ACOT7: variants seen among roughly 807,000 people sequenced by gnomAD.
ACOT7 encodes the protein acyl-CoA thioesterase 7, also known as cytosolic acyl coenzyme A thioester hydrolase.
In ACOT7, 12 loss-of-function variants were observed where a neutral mutation model predicts 40.2. That is an observed-to-expected ratio of 0.30 (90% CI 0.19 to 0.48). The LOEUF (loss-of-function observed/expected upper bound fraction) is 0.48. ACOT7 is among the 20% of genes least tolerant of loss of function. ACOT7 has a pLI of 0.99. For missense variants in ACOT7, 395 were observed against 530.8 expected (o/e 0.74, Z 2.51); for synonymous variants, 228 against 219.5 (o/e 1.04, Z -0.34).
chr1:6,385,688 G>A (rs1642426493), intron 1 of ACOT7: 1 of 1,606,694 alleles, frequency 6.2e-7, no homozygotes, highest in Non-Finnish European at 8.5e-7. Context: ...TGGGCAAACT[G>A]TTTACCCAGT....
In ACOT7 at chr1:6,349,678, G is replaced by A. The variant is rs573734594; in HGVS notation, c.261+71C>T. The A allele has an allele frequency of 1.6e-4, 232 of 1,454,478 alleles. No homozygotes were observed. In the South Asian group the frequency reaches 1.7e-3, roughly 10 times the overall value. 90.1% of individuals were successfully genotyped at this position (1,454,478 alleles called of 1,614,324 possible). A position where few individuals can be genotyped will look rare whatever the true frequency, so the allele number is the denominator to read the frequency against. ...GGGAAGGCTGCAGGCCTGGCTCCCC[G>A]GGGAACTCCTGTCCTGAACTCACAC... On this transcript the variant is annotated intron_variant, in intron 2 of 8. Coordinates refer to ENST00000361521, the MANE Select transcript of ACOT7 (RefSeq NM_007274.4).
At position 6,299,450 on chromosome 1, in the gene ACOT7, T is replaced by C. The variant is rs1247518225; in HGVS notation, c.713-4470A>G. Among the ~76,000 whole-genome samples, 1 of 151,950 alleles carries C rather than the reference T, an allele frequency of 6.6e-6. No individual in the cohort carries two copies. Among genetic ancestry groups the C allele is most frequent in the African/African-American group, 2.4e-5 (1 of 41,330 alleles). On this transcript the variant is annotated intron_variant, in intron 6 of 8. Coordinates refer to ENST00000361521, the MANE Select transcript of ACOT7 (RefSeq NM_007274.4). This position sits in a 1 kb window ranked among gnomAD's most constrained non-coding sequence, Gnocchi z 4.1. ...TTGGCTCAGGTGGGCAAAGGAGGGATCCAGAGGACAGTTGGCCTCCCCTTA... is the reference window on the plus strand; with the variant it reads ...TTGGCTCAGGTGGGCAAAGGAGGGACCCAGAGGACAGTTGGCCTCCCCTTA...
rs1037353163 is a variant in ACOT7 at position 6,278,888 on chromosome 1, G to A, written c.1014+2214C>T. Among the ~76,000 whole-genome samples the A allele has an allele frequency of 6.6e-6, 1 of 152,214 alleles. No homozygotes were observed. Among genetic ancestry groups the A allele is most frequent in the African/African-American group, 2.4e-5 (1 of 41,438 alleles). On this transcript the variant is annotated intron_variant, in intron 8 of 8. Transcript: ENST00000361521. The surrounding 1 kb of genome is among the most constrained non-coding windows in gnomAD (Gnocchi z 4.1). ...GACAGCAGACAGGGCGTGTCCTTGC[G>A]TCTGTCCATGCTGCCCGCAGAGGGA... is the stretch of plus-strand genomic sequence containing the variant.
intron 8 of ACOT7, among the ~76,000 whole-genome samples, chr1:6,268,786 C>T (rs920939547): frequency 4.6e-4 from 70 of 152,354 alleles, no homozygotes; most frequent in African/African-American, 1.6e-3. Context: ...GGAGCGGAGC[C>T]CTCGAGTCCC....
chr1:6,307,178 C>T (rs1202035630), intron 6 of ACOT7, among the ~76,000 whole-genome samples: 1 of 152,236 alleles, frequency 6.6e-6, no homozygotes, highest in Non-Finnish European at 1.5e-5. Context: ...TGGAGCACGG[C>T]GGGGCTCGGC....
intron 6 of ACOT7, 176 bp from the exon 7 acceptor site, chr1:6,295,156 G>T (rs1639778427): frequency 7.6e-6 from 4 of 523,204 alleles, no homozygotes; most frequent in East Asian, 6.4e-5. Flanking sequence ...GCTACATGGG[G>T]CTTCCTCAGG....
intron 8 of ACOT7, among the ~76,000 whole-genome samples, chr1:6,268,876 G>A (rs1557623077): frequency 6.6e-6 from 1 of 152,222 alleles, no homozygotes; most frequent in Non-Finnish European, 1.5e-5. Context: ...TACCAGAGAT[G>A]TGACCACAGC....
intron 7 of ACOT7, among the ~76,000 whole-genome samples, chr1:6,286,413 A>G (rs1639504569): frequency 6.6e-6 from 1 of 152,166 alleles, no homozygotes; most frequent in Non-Finnish European, 1.5e-5. Context: ...TATTCATGAC[A>G]AAGTGTCTCA....
rs544100018 is a variant in ACOT7 at position 6,355,231 on chromosome 1, G to A, written c.144-5365C>T. Among the ~76,000 whole-genome samples the A allele has an allele frequency of 6.4e-4, 98 of 152,148 alleles. No homozygotes were observed. In the East Asian group the frequency reaches 0.012, roughly 19 times the overall value. ...GAATACCCACTCACAGAGGGCACCC[G>A]GCACCACCCACCCAAACCCCAGATG... On this transcript the variant is annotated intron_variant, in intron 1 of 8. Transcript: ENST00000361521. The surrounding 1 kb of genome is among the most constrained non-coding windows in gnomAD (Gnocchi z 5.0).
chr1:6,368,766 C>T (rs938946946), intron 1 of ACOT7, among the ~76,000 whole-genome samples: 1 of 152,188 alleles, frequency 6.6e-6, no homozygotes, highest in Non-Finnish European at 1.5e-5. Flanking sequence ...GGGGGCGGTG[C>T]AGTCAGCTGC....
At chr1:6,374,501 G>A (rs559616961) in intron 1 of ACOT7, among the ~76,000 whole-genome samples, 7 of 152,358 alleles carry the variant, frequency 4.6e-5, no homozygotes, top group South Asian at 2.1e-4. Context: ...GCTCCACAGC[G>A]TGGGGGCCAA....
chr1:6,305,321 G>A (rs1239231161), intron 6 of ACOT7, among the ~76,000 whole-genome samples: 3 of 130,226 alleles, frequency 2.3e-5, no homozygotes, highest in Admixed American at 7.4e-5. Flanking sequence ...CAGTAGGGGC[G>A]GCCGGGCAGA....
intron 8 of ACOT7, 76 bp downstream of exon 8, chr1:6,281,026 C>G: frequency 6.5e-7 from 1 of 1,535,784 alleles, no homozygotes; most frequent in Non-Finnish European, 8.8e-7. Context: ...GCACAGATTC[C>G]CCCTGGAGGC....
At chr1:6,336,618 A>G (rs1641109489) in intron 3 of ACOT7, among the ~76,000 whole-genome samples, 1 of 152,098 alleles carries the variant, frequency 6.6e-6, no homozygotes, top group Non-Finnish European at 1.5e-5. Flanking sequence ...CACACAGCTT[A>G]TGACTCAGCC....
In ACOT7 at chr1:6,359,125, G is replaced by C. The variant is rs1403974458; in HGVS notation, c.144-9259C>G. 1 of 344,556 alleles carries C rather than the reference G, an allele frequency of 2.9e-6. No individual in the cohort carries two copies. Among genetic ancestry groups the C allele is most frequent in the Non-Finnish European group, 5.3e-6 (1 of 187,264 alleles). 21.3% of individuals were successfully genotyped at this position (344,556 alleles called of 1,614,324 possible). Reference sequence around the variant, plus strand: ...TGAGCTCTTCTGGCTGCCATGCCAGGAGATCAGGAAGGCAGAGGGGCCGCT... The same window carrying C: ...TGAGCTCTTCTGGCTGCCATGCCAGCAGATCAGGAAGGCAGAGGGGCCGCT... On this transcript the variant is annotated intron_variant, in intron 1 of 8. Coordinates refer to ENST00000361521, the MANE Select transcript of ACOT7 (RefSeq NM_007274.4). This position sits in a 1 kb window ranked among gnomAD's most constrained non-coding sequence, Gnocchi z 4.1.
intron 8 of ACOT7, among the ~76,000 whole-genome samples, chr1:6,276,422 G>A (rs553108760): frequency 1.6e-4 from 25 of 152,246 alleles, no homozygotes; most frequent in Admixed American, 1.3e-3. Flanking sequence ...CTTCTAATAC[G>A]AGACCGAGAC....
At chr1:6,371,152 G>A (rs1024133029) in intron 1 of ACOT7, among the ~76,000 whole-genome samples, 5 of 152,120 alleles carry the variant, frequency 3.3e-5, no homozygotes, top group Admixed American at 2.6e-4. Flanking sequence ...TGAGCAGTAG[G>A]TCTCAACGGC....
chr1:6,268,569 C>T (rs887822356), intron 8 of ACOT7, among the ~76,000 whole-genome samples: 5 of 152,136 alleles, frequency 3.3e-5, no homozygotes, highest in Non-Finnish European at 4.4e-5. Context: ...TGTGCACAGG[C>T]GCGATTTTCC....
chr1:6,276,075 C>T (rs560549740), intron 8 of ACOT7, among the ~76,000 whole-genome samples: 87 of 152,208 alleles, frequency 5.7e-4, no homozygotes, highest in African/African-American at 1.9e-3. Flanking sequence ...GGGGCCTCAG[C>T]GAGCCCCTCA....
Sources: allele counts gnomAD v4.1 joint callset (sites outside exome capture counted in the v4.1 genomes callset), GRCh38; gene constraint gnomAD v4.1.1; non-coding constraint Gnocchi (gnomAD v3.1); transcripts MANE v1.5; gene names NCBI Gene and HGNC (gene_info 2026-07-23, HGNC 2026-07-21).